The following LRRN2 variants were observed in gnomAD, a reference collection of about 807,000 sequenced individuals.
LRRN2 encodes leucine rich repeat neuronal 2.
Under a neutral mutation model 35.7 loss-of-function variants are expected in LRRN2, and 10 were observed. The observed-to-expected ratio is 0.28, with a 90% CI of 0.17 to 0.47. The LOEUF (loss-of-function observed/expected upper bound fraction) is 0.47. Among genes scored for constraint, LRRN2 ranks in the 20% least tolerant of loss-of-function variants. The pLI, the probability that LRRN2 is intolerant of heterozygous loss-of-function variation, is 0.99. For missense variants in LRRN2, 731 were observed against 940.3 expected (o/e 0.78, Z 2.91); for synonymous variants, 391 against 409.6 (o/e 0.95, Z 0.55).
intron 1 of LRRN2, among the ~76,000 whole-genome samples, chr1:204,644,221 C>T (rs954499568): frequency 6.6e-6 from 1 of 152,154 alleles, no homozygotes; most frequent in Non-Finnish European, 1.5e-5. Flanking sequence ...CCACATTCTA[C>T]CAAATCCTCA....
At chr1:204,682,775 G>A (rs1231034083) in intron 1 of LRRN2, 2 of 152,226 alleles carry the variant, frequency 1.3e-5, no homozygotes, top group Admixed American at 6.5e-5. Flanking sequence ...TTTCAGGTCA[G>A]AAAAGTATCC....
chr1:204,641,412 A>G (rs1667973876), intron 1 of LRRN2, among the ~76,000 whole-genome samples: 1 of 152,122 alleles, frequency 6.6e-6, no homozygotes, highest in Non-Finnish European at 1.5e-5. Context: ...CTCTCTGTTC[A>G]TTGTTTAGGT....
intron 1 of LRRN2, among the ~76,000 whole-genome samples, chr1:204,653,882 A>AAAT (rs1287362837): frequency 1.3e-5 from 2 of 151,508 alleles, no homozygotes; most frequent in African/African-American, 4.9e-5. Flanking sequence ...AAAAAGAAAA[A>AAAT]CTATTTAGCT....
chr1:204,677,693 G>A (rs1227541060), intron 1 of LRRN2, among the ~76,000 whole-genome samples: 3 of 152,164 alleles, frequency 2.0e-5, no homozygotes, highest in Non-Finnish European at 4.4e-5. Context: ...TTCCCAGCAT[G>A]CAGACCTGGG....
intron 1 of LRRN2, among the ~76,000 whole-genome samples, chr1:204,631,454 T>C (rs1446892280): frequency 2.7e-5 from 4 of 149,624 alleles, no homozygotes; most frequent in Admixed American, 2.0e-4. Context: ...GGGCTGCAAA[T>C]ACAAAGTTAT....
At chr1:204,671,672 C>T (rs1469041275) in intron 1 of LRRN2, among the ~76,000 whole-genome samples, 1 of 48,672 alleles carries the variant, frequency 2.1e-5, no homozygotes, top group South Asian at 8.1e-4. Context: ...AAAAAAAAAG[C>T]AAAGGTGCCA....
At chr1:204,659,852 T>G (rs556640675) in intron 1 of LRRN2, among the ~76,000 whole-genome samples, 3 of 152,208 alleles carry the variant, frequency 2.0e-5, no homozygotes, top group Non-Finnish European at 4.4e-5. Context: ...TCCTGGACTC[T>G]TTGAAACTCA....
chr1:204,668,833 CT>C (rs1668644069), intron 1 of LRRN2, among the ~76,000 whole-genome samples: 1 of 152,156 alleles, frequency 6.6e-6, no homozygotes, highest in Non-Finnish European at 1.5e-5. Context: ...AGTTTTTCTT[CT>C]TGTTTTTGAG....
Position 204,618,141 on chromosome 1 carries a change from C to T in LRRN2, c.1852G>A (p.Ala618Thr), listed in dbSNP as rs1410603997. 6.2e-7 allele frequency: 1 copy of T among 1,614,078 alleles called. No homozygotes were observed. The highest frequency in any genetic ancestry group is 1.1e-5 in the South Asian group (1 of 91,066). ...LACVWARTKE[A>T]TSCHRALGDR... ...CCTAAGGCTCTGTGGCAAGAAGTGG[C>T]CTCTTTGGTCCTGGCCCATACACAA... is the stretch of plus-strand genomic sequence containing the variant. The change falls in exon 2 of 2, where the codon GCC (alanine) becomes ACC (threonine). Residue 618 changes from alanine (A) to threonine (T), a missense_variant. Ala to Thr is a moderately conservative substitution (Grantham distance 58). Coordinates refer to ENST00000367177, the MANE Select transcript of LRRN2 (RefSeq NM_201630.2).
rs753351094 is a variant in LRRN2 at position 204,619,486 on chromosome 1, C to T, written c.507G>A (p.Arg169=). The change falls in exon 2 of 2, where the codon CGG becomes CGA. Residue 169 remains arginine, a synonymous_variant. Coordinates refer to ENST00000367177, the MANE Select transcript of LRRN2 (RefSeq NM_201630.2). ...TCAGGAGGTTGGAGTTGAGGTGCAG[C>T]CGCAGCAAGTTGCTGAGGCCAGAAA... is the stretch of plus-strand genomic sequence containing the variant. ...RAFSGLSNLL[R]LHLNSNLLRA... 10 of 1,614,126 alleles carry T rather than the reference C, an allele frequency of 6.2e-6. No homozygotes were observed. Among genetic ancestry groups the T allele is most frequent in the African/African-American group, 2.7e-5 (2 of 74,942 alleles).
intron 1 of LRRN2, among the ~76,000 whole-genome samples, chr1:204,652,699 G>T (rs1435246027): frequency 6.6e-6 from 1 of 152,146 alleles, no homozygotes; most frequent in Non-Finnish European, 1.5e-5. Flanking sequence ...CTAAGAGCGT[G>T]CCCACGAATC....
chr1:204,650,814 TGGG>T (rs1558415053), intron 1 of LRRN2, among the ~76,000 whole-genome samples: 2 of 151,922 alleles, frequency 1.3e-5, no homozygotes, highest in Admixed American at 1.3e-4. Context: ...GGATTTTACT[TGGG>T]GGGATAGATG....
At chr1:204,624,030 G>A (rs1426275135) in intron 1 of LRRN2, among the ~76,000 whole-genome samples, 1 of 152,162 alleles carries the variant, frequency 6.6e-6, no homozygotes, top group Non-Finnish European at 1.5e-5. Context: ...CAAACCCAGG[G>A]TCTTTGACTC....
At chr1:204,624,026 C>A (rs1366886594) in intron 1 of LRRN2, among the ~76,000 whole-genome samples, 2 of 152,176 alleles carry the variant, frequency 1.3e-5, no homozygotes, top group Non-Finnish European at 2.9e-5. Context: ...GATTCAAACC[C>A]AGGGTCTTTG....
chr1:204,668,790 AAT>A (rs1260683465), intron 1 of LRRN2, among the ~76,000 whole-genome samples: 1 of 152,164 alleles, frequency 6.6e-6, no homozygotes, highest in Non-Finnish European at 1.5e-5. Flanking sequence ...CGAACACGAT[AAT>A]ATATGTGAAA....
chr1:204,643,200 A>C (rs1271136679), intron 1 of LRRN2, among the ~76,000 whole-genome samples: 1 of 152,224 alleles, frequency 6.6e-6, no homozygotes, highest in East Asian at 1.9e-4. Context: ...TCAGAAAAGG[A>C]GACATCGTCA....
At chr1:204,631,256 C>CAATCTATTA (rs1282306008) in intron 1 of LRRN2, among the ~76,000 whole-genome samples, 2 of 36,918 alleles carry the variant, frequency 5.4e-5, no homozygotes, top group East Asian at 1.7e-3. Flanking sequence ...CTAGAGTGTT[C>CAATCTATTA]TATATATATA....
chr1:204,678,574 C>G (rs1378022754), intron 1 of LRRN2, among the ~76,000 whole-genome samples: 1 of 152,144 alleles, frequency 6.6e-6, no homozygotes, highest in Non-Finnish European at 1.5e-5. Flanking sequence ...CCTCCTGACC[C>G]TCTGACTTTA....
intron 1 of LRRN2, among the ~76,000 whole-genome samples, chr1:204,634,184 T>C (rs1667776034): frequency 1.3e-5 from 2 of 152,248 alleles, no homozygotes; most frequent in Admixed American, 6.5e-5. Context: ...CTATATTTCA[T>C]GATTTTACTT....
Sources: allele counts gnomAD v4.1 joint callset (sites outside exome capture counted in the v4.1 genomes callset), GRCh38; gene constraint gnomAD v4.1.1; transcripts MANE v1.5; gene names NCBI Gene and HGNC (gene_info 2026-07-23, HGNC 2026-07-21).